GALNT13: variants seen among roughly 807,000 people sequenced by gnomAD.
GALNT13 encodes UDP-GalNAc:polypeptide N-acetylgalactosaminyltransferase 13.
Under a neutral mutation model 64.2 loss-of-function variants are expected in GALNT13, and 28 were observed. The observed-to-expected ratio is 0.44, with a 90% CI of 0.32 to 0.60. GALNT13 has a LOEUF of 0.60. Ranked by LOEUF, GALNT13 falls within the 20% of genes least tolerant of loss-of-function variation. The pLI, the probability that GALNT13 is intolerant of heterozygous loss-of-function variation, is 0.05. For missense variants in GALNT13, 577 were observed against 669.8 expected (o/e 0.86, Z 1.53); for synonymous variants, 214 against 224.6 (o/e 0.95, Z 0.42).
intron 4 of GALNT13, among the ~76,000 whole-genome samples, chr2:154,240,536 G>A (rs1046947232): frequency 6.6e-6 from 1 of 152,112 alleles, no homozygotes; most frequent in Non-Finnish European, 1.5e-5. Context: ...CCTCTCACAC[G>A]GCGTGTGATG....
In GALNT13 at chr2:154,438,618, A is replaced by C; in HGVS notation, c.1422A>C (p.Glu474Asp). ...NQVFSYTADK[E>D]IRTDDLCLDV... ...TATTTTCTTACACTGCTGACAAAGA[A>C]ATCCGAACCGATGACTTGTGCTTGG... The change falls in exon 12 of 13, where the codon GAA (glutamate) becomes GAC (aspartate). Residue 474 changes from glutamate to aspartate, a missense_variant. By Grantham distance (45) the Glu-to-Asp change is conservative. This residue lies in a region of GALNT13 where 232 missense variants were observed against 270.6 expected (regional missense o/e 0.86). Coordinates refer to ENST00000392825, the MANE Select transcript of GALNT13 (RefSeq NM_052917.4). 1.2e-6 allele frequency: 2 copies of C among 1,612,554 alleles called. No individual in the cohort carries two copies. Among genetic ancestry groups the C allele is most frequent in the Non-Finnish European group, 1.7e-6 (2 of 1,178,888 alleles).
chr2:153,366,829 G>A, the GALNT13 span, among the ~76,000 whole-genome samples: 5 of 151,054 alleles, frequency 3.3e-5, no homozygotes, highest in Admixed American at 3.3e-4. Flanking sequence ...CTTGAAGGCA[G>A]TCATAGACAA....
the GALNT13 span, among the ~76,000 whole-genome samples, chr2:153,484,842 G>C: frequency 6.6e-6 from 1 of 152,144 alleles, no homozygotes; most frequent in Non-Finnish European, 1.5e-5. Context: ...GGGGATGGGG[G>C]ATAACTGGTT....
chr2:153,946,643 A>G (rs905612130), intron 3 of GALNT13, among the ~76,000 whole-genome samples: 3 of 152,136 alleles, frequency 2.0e-5, no homozygotes, highest in Non-Finnish European at 2.9e-5. Context: ...CATATTTTAT[A>G]AGGGCACTAA....
the GALNT13 span, among the ~76,000 whole-genome samples, chr2:153,708,304 G>C: frequency 6.6e-6 from 1 of 152,126 alleles, no homozygotes. Context: ...CCTCAAAGCA[G>C]CTTCCTTCTC....
At chr2:154,055,339 A>G (rs1232877244) in intron 3 of GALNT13, among the ~76,000 whole-genome samples, 1 of 152,080 alleles carries the variant, frequency 6.6e-6, no homozygotes, top group African/African-American at 2.4e-5. Context: ...ATAAATTACA[A>G]TTGAGTGCAG....
intron 3 of GALNT13, among the ~76,000 whole-genome samples, chr2:154,056,714 G>C (rs1404353484): frequency 1.3e-5 from 2 of 152,090 alleles, no homozygotes; most frequent in Non-Finnish European, 2.9e-5. Flanking sequence ...CCCTGAGTAT[G>C]TTAGTAACTC....
chr2:154,450,353 T>C, intron 12 of GALNT13, 58 bp from the exon 13 acceptor site: 1 of 1,451,348 alleles, frequency 6.9e-7, no homozygotes, highest in Non-Finnish European at 9.4e-7. Flanking sequence ...TTTTATCTGA[T>C]GTGCTAGCAA....
At chr2:153,743,862 T>G in the GALNT13 span, among the ~76,000 whole-genome samples, 1 of 152,112 alleles carries the variant, frequency 6.6e-6, no homozygotes, top group East Asian at 1.9e-4. Context: ...CTTTCTACTC[T>G]CTTTCTCCAT....
At position 154,451,466 on chromosome 2, in the gene GALNT13, T is replaced by A. The variant is rs1701868595; in HGVS notation, c.*915T>A. ...GAAAGGGAGAATTTTAGACTTAATT[T>A]TTAACTCTATTGCACTTAAAGATTT... On this transcript the variant is annotated 3_prime_UTR_variant, in exon 13 of 13. Transcript: ENST00000392825. 1 of 152,086 alleles carries A rather than the reference T, an allele frequency of 6.6e-6. No individual in the cohort carries two copies. The highest frequency in any genetic ancestry group is 2.1e-4 in the South Asian group (1 of 4,836). 9.4% of individuals were successfully genotyped at this position (152,086 alleles called of 1,614,324 possible).
chr2:154,198,787 C>T (rs564604415), intron 4 of GALNT13, among the ~76,000 whole-genome samples: 2 of 152,082 alleles, frequency 1.3e-5, no homozygotes, highest in South Asian at 4.2e-4. Flanking sequence ...ATAAGGTTAT[C>T]TTACAAAGTG....
At chr2:153,701,504 T>C in the GALNT13 span, among the ~76,000 whole-genome samples, 1 of 152,226 alleles carries the variant, frequency 6.6e-6, no homozygotes, top group African/African-American at 2.4e-5. Context: ...GGGATCTAAA[T>C]AAACTAAAGA....
intron 3 of GALNT13, among the ~76,000 whole-genome samples, chr2:153,973,885 G>A (rs1186986746): frequency 3.3e-5 from 5 of 151,970 alleles, no homozygotes; most frequent in Non-Finnish European, 7.4e-5. Flanking sequence ...ACAGTGTCTG[G>A]TAGAGTCTGT....
At chr2:154,250,324 A>G (rs534170846) in intron 7 of GALNT13, among the ~76,000 whole-genome samples, 2 of 152,070 alleles carry the variant, frequency 1.3e-5, no homozygotes, top group African/African-American at 4.8e-5. Flanking sequence ...TTTCTATTCA[A>G]TTTCTCTACA....
At chr2:153,385,675 AT>A in the GALNT13 span, among the ~76,000 whole-genome samples, 1 of 152,022 alleles carries the variant, frequency 6.6e-6, no homozygotes, top group Non-Finnish European at 1.5e-5. Flanking sequence ...ATCAATAATA[AT>A]TTAATTGTAC....
At chr2:153,362,282 A>T in the GALNT13 span, among the ~76,000 whole-genome samples, 1 of 152,136 alleles carries the variant, frequency 6.6e-6, no homozygotes, top group Non-Finnish European at 1.5e-5. Context: ...AAATAAAAAG[A>T]CCAATGACAC....
At chr2:154,411,500 G>A (rs1364269587) in intron 11 of GALNT13, among the ~76,000 whole-genome samples, 1 of 151,684 alleles carries the variant, frequency 6.6e-6, no homozygotes, top group African/African-American at 2.4e-5. Flanking sequence ...AGGGAGGTCT[G>A]CATGTGTGTC....
the GALNT13 span, among the ~76,000 whole-genome samples, chr2:153,081,778 C>T: frequency 1.3e-5 from 2 of 152,096 alleles, no homozygotes; most frequent in Non-Finnish European, 2.9e-5. Context: ...TGTTGATAGA[C>T]ACTTAGGTTG....
intron 4 of GALNT13, among the ~76,000 whole-genome samples, chr2:154,149,839 G>C (rs954426626): frequency 3.3e-5 from 5 of 152,212 alleles, no homozygotes; most frequent in African/African-American, 1.2e-4. Context: ...TGAAACAATA[G>C]AGTTTTCTGG....
Sources: allele counts gnomAD v4.1 joint callset (sites outside exome capture counted in the v4.1 genomes callset), GRCh38; gene constraint gnomAD v4.1.1; regional missense constraint gnomAD v4.1.1; transcripts MANE v1.5; gene names NCBI Gene and HGNC (gene_info 2026-07-23, HGNC 2026-07-21).